Variants in PRR29 observed in about 807,000 individuals in gnomAD.
PRR29 encodes proline-rich protein 29.
In PRR29, 20 loss-of-function variants were observed where a neutral mutation model predicts 25.1. The observed-to-expected ratio is 0.80, with a 90% CI of 0.56 to 1.16. PRR29 has a LOEUF of 1.16. Ranked by LOEUF, PRR29 falls within the 50% of genes most tolerant of loss-of-function variation. The probability of loss-of-function intolerance (pLI) is 0.00; values close to 1 mark genes in which losing one functional copy is unlikely to be tolerated. For missense variants in PRR29, 238 were observed against 246.6 expected, an observed-to-expected ratio of 0.97 and a Z score of 0.23; for synonymous variants, 108 against 102.6, an observed-to-expected ratio of 1.05 and a Z score of -0.32.
At position 64,002,214 on chromosome 17, in the gene PRR29, A is replaced by G. The variant is rs1347194080; in HGVS notation, c.*453A>G. On this transcript the variant is annotated 3_prime_UTR_variant, in exon 6 of 6. Coordinates refer to ENST00000412177, the MANE Select transcript of PRR29 (RefSeq NM_001164257.2). ...CTTTGAGGTGGCTGGAGGGGCCCAG[A>G]GTGGTCGGGGAGAGACTTTGCTGGG... The G allele has an allele frequency of 1.6e-6, 1 of 606,814 alleles. No individual in the cohort carries two copies. The highest frequency in any genetic ancestry group is 3.0e-5 in the Admixed American group (1 of 33,198). 37.6% of individuals were successfully genotyped at this position (606,814 alleles called of 1,614,324 possible).
At chr17:63,999,150 G>T in intron 3 of PRR29, 76 bp downstream of exon 3, 1 of 1,146,542 alleles carries the variant, frequency 8.7e-7, no homozygotes, top group Non-Finnish European at 1.3e-6. Flanking sequence ...TCCTGTTCAG[G>T]GGGGAAAAGA....
rs773489521 is a variant in PRR29 at position 64,003,694 on chromosome 17, C to T, written c.*1933C>T. ...TGAGTGTTTGTGAAAGATGTTGCCA[C>T]CGCGAGACATCAAGTCCAGCACAGC... is the stretch of plus-strand genomic sequence containing the variant. On this transcript the variant is annotated 3_prime_UTR_variant, in exon 6 of 6. Transcript: ENST00000412177. 3 of 1,614,070 alleles carry T rather than the reference C, an allele frequency of 1.9e-6. No homozygotes were observed. Among genetic ancestry groups the T allele is most frequent in the African/African-American group, 1.3e-5 (1 of 74,952 alleles).
Position 64,003,866 on chromosome 17 carries a change from C to A in PRR29, c.*2105C>A. 1 of 1,614,188 alleles carries A rather than the reference C, an allele frequency of 6.2e-7. No individual in the cohort carries two copies. The highest frequency in any genetic ancestry group is 8.5e-7 in the Non-Finnish European group (1 of 1,180,034). On this transcript the variant is annotated 3_prime_UTR_variant, in exon 6 of 6. Transcript: ENST00000412177. ...CGGAACAGGAAGAGGGTGAGGCTGT[C>A]CAGGGGCTCCACGGTGGGCACCCTG...
intron 4 of PRR29, 62 bp downstream of exon 4, chr17:64,001,372 C>CA: frequency 6.7e-7 from 1 of 1,501,136 alleles, no homozygotes; most frequent in Non-Finnish European, 8.9e-7. Context: ...AAGAGCTGTG[C>CA]AGGGGCTGGT....
Position 64,002,639 on chromosome 17 carries a change from A to C in PRR29, c.*878A>C, listed in dbSNP as rs1265511733. On this transcript the variant is annotated 3_prime_UTR_variant, in exon 6 of 6. Coordinates refer to ENST00000412177, the MANE Select transcript of PRR29 (RefSeq NM_001164257.2). ...TCGGGCTAGAAAAGGCAATGTCCCA[A>C]GTCTCTGCTGCCTGTCACAGTCCTT... 9.0e-6 allele frequency: 9 copies of C among 997,168 alleles called. No individual in the cohort carries two copies. The highest frequency in any genetic ancestry group is 1.6e-5 in the African/African-American group (1 of 62,050). The allele number at this position is 997,168 out of a possible 1,614,324, so 61.8% of individuals were successfully genotyped here.
Position 64,003,008 on chromosome 17 carries a change from A to ACCCAGACC in PRR29, c.*1258_*1265dup, listed in dbSNP as rs1555608782. 4.4e-6 allele frequency: 6 copies of ACCCAGACC among 1,348,496 alleles called. No homozygotes were observed. Among genetic ancestry groups the ACCCAGACC allele is most frequent in the Non-Finnish European group, 4.1e-6 (4 of 977,068 alleles). The allele number at this position is 1,348,496 out of a possible 1,614,324, so 83.5% of individuals were successfully genotyped here. A position where few individuals can be genotyped will look rare whatever the true frequency, so the allele number is the denominator to read the frequency against. ...AAAAGGGAGTGGAAGTCCACCCCCA[A>ACCCAGACC]CCCAGACCCCCAGACCCCGCCGCCC... On this transcript the variant is annotated 3_prime_UTR_variant, in exon 6 of 6. Coordinates refer to ENST00000412177, the MANE Select transcript of PRR29 (RefSeq NM_001164257.2).
chr17:63,999,254 G>C, intron 3 of PRR29, 180 bp downstream of exon 3: 1 of 609,428 alleles, frequency 1.6e-6, no homozygotes, highest in Non-Finnish European at 2.9e-6. Context: ...GGTTGGGGCG[G>C]GGAAGAGACC....
chr17:64,001,487 C>A lies in PRR29; in HGVS notation c.491C>A (p.Pro164Gln). The A allele has an allele frequency of 6.7e-7, 1 of 1,482,324 alleles. No homozygotes were observed. The highest frequency in any genetic ancestry group is 1.4e-5 in the African/African-American group (1 of 70,958). 91.8% of individuals were successfully genotyped at this position (1,482,324 alleles called of 1,614,324 possible). Reference sequence around the variant, plus strand: ...CTCAGGAGAGCTGTGCCCCCACCCCCACCCCCCAGTGCCACAGGGACTGTG... The same window carrying A: ...CTCAGGAGAGCTGTGCCCCCACCCCAACCCCCCAGTGCCACAGGGACTGTG... ...EREVRAVPPP[P>Q]PPSATGTVGA... The change falls in exon 5 of 6, where the codon CCA (proline) becomes CAA (glutamine). Residue 164 changes from proline to glutamine, a missense_variant. Physicochemically the swap from Pro to Gln is moderately conservative, Grantham distance 76. Transcript: ENST00000412177.
chr17:63,998,777 A>C lies in PRR29; in HGVS notation c.131A>C (p.Lys44Thr), dbSNP rs946805706. The C allele has an allele frequency of 2.5e-5, 38 of 1,524,110 alleles. No homozygotes were observed. The African/African-American group carries it at 3.6e-4, about 14-fold the overall frequency. 94.4% of individuals were successfully genotyped at this position (1,524,110 alleles called of 1,614,324 possible). A position where few individuals can be genotyped will look rare whatever the true frequency, so the allele number is the denominator to read the frequency against. The change falls in exon 2 of 6, where the codon AAG becomes ACG. Residue 44 changes from lysine (K) to threonine (T), a missense_variant. Transcript: ENST00000412177. Reference protein sequence around the residue: ...PPAPPQPGRVKEDLLELMMLQ... With the variant: ...PPAPPQPGRVTEDLLELMMLQ... ...GCGCCCCCGCAGCCAGGCCGCGTGA[A>C]GGAAGGTGAGACTCCCGGGTCCCCC...
chr17:63,998,554 G>A, intron 1 of PRR29, 130 bp downstream of exon 1: 2 of 1,205,030 alleles, frequency 1.7e-6, no homozygotes, highest in Non-Finnish European at 2.3e-6. Context: ...GAGAGGAAGA[G>A]GCGTGGCAGG....
chr17:64,003,085 T>C lies in PRR29; in HGVS notation c.*1324T>C, dbSNP rs1910913727. The stretch of plus-strand genomic sequence containing the variant: ...TTGCAGAGATGAGTGGTGAATGGTG[T>C]CTGCATTAAAATTATTATCTGGAAA... On this transcript the variant is annotated 3_prime_UTR_variant, in exon 6 of 6. Coordinates refer to ENST00000412177, the MANE Select transcript of PRR29 (RefSeq NM_001164257.2). 13 of 607,692 alleles carry C rather than the reference T, an allele frequency of 2.1e-5. No homozygotes were observed. In the East Asian group the frequency reaches 3.6e-4, roughly 17 times the overall value. 37.6% of individuals were successfully genotyped at this position (607,692 alleles called of 1,614,324 possible).
Position 64,002,791 on chromosome 17 carries a change from C to T in PRR29, c.*1030C>T. On this transcript the variant is annotated 3_prime_UTR_variant, in exon 6 of 6. Coordinates refer to ENST00000412177, the MANE Select transcript of PRR29 (RefSeq NM_001164257.2). ...GGCAGCCTCCTCCAAGCCGCTCGCA[C>T]CCCGTAGGTGCCCATCCGCTGCTGG... 2.5e-6 allele frequency: 4 copies of T among 1,613,546 alleles called. No homozygotes were observed. The highest frequency in any genetic ancestry group is 1.1e-5 in the South Asian group (1 of 91,060).
At position 63,998,797 on chromosome 17, in the gene PRR29, TCCCC is replaced by T; in HGVS notation, c.136+18_136+21del. The T allele has an allele frequency of 9.4e-7, 1 of 1,062,606 alleles. No homozygotes were observed. The highest frequency in any genetic ancestry group is 1.3e-6 in the Non-Finnish European group (1 of 761,704). The allele number at this position is 1,062,606 out of a possible 1,614,324, so 65.8% of individuals were successfully genotyped here. A position where few individuals can be genotyped will look rare whatever the true frequency, so the allele number is the denominator to read the frequency against. On this transcript the variant is annotated intron_variant, in intron 2 of 5. Coordinates refer to ENST00000412177, the MANE Select transcript of PRR29 (RefSeq NM_001164257.2). ...CGTGAAGGAAGGTGAGACTCCCGGG[TCCCC>T]CCACCCCACCCCCACCATCACCACC...
At chr17:63,998,636 G>A in intron 1 of PRR29, 71 bp from the exon 2 acceptor site, 1 of 1,061,656 alleles carries the variant, frequency 9.4e-7, no homozygotes, top group Non-Finnish European at 1.4e-6. Flanking sequence ...CTGGCCGGGG[G>A]GGTTGGGGCT....
intron 3 of PRR29, among the ~76,000 whole-genome samples, chr17:64,000,251 A>G (rs1351389895): frequency 6.6e-6 from 1 of 152,260 alleles, no homozygotes; most frequent in Non-Finnish European, 1.5e-5. Flanking sequence ...CTTGAGCTAC[A>G]GGAGTAAATG....
chr17:64,003,873 C>T lies in PRR29; in HGVS notation c.*2112C>T. 2 of 1,614,212 alleles carry T rather than the reference C, an allele frequency of 1.2e-6. No homozygotes were observed. Among genetic ancestry groups the T allele is most frequent in the Non-Finnish European group, 1.7e-6 (2 of 1,180,022 alleles). On this transcript the variant is annotated 3_prime_UTR_variant, in exon 6 of 6. Coordinates refer to ENST00000412177, the MANE Select transcript of PRR29 (RefSeq NM_001164257.2). ...GGAAGAGGGTGAGGCTGTCCAGGGG[C>T]TCCACGGTGGGCACCCTGCACTCAA...
chr17:64,001,413 C>T, intron 4 of PRR29, 54 bp from the exon 5 acceptor site: 1 of 1,488,724 alleles, frequency 6.7e-7, no homozygotes, highest in Non-Finnish European at 9.0e-7. Flanking sequence ...GGGTGAAACT[C>T]CAGAGGCCAC....
At position 64,000,715 on chromosome 17, in the gene PRR29, C is replaced by T. The variant is rs374093393; in HGVS notation, c.244-369C>T. On this transcript the variant is annotated intron_variant, in intron 3 of 5. Transcript: ENST00000412177. ...CCGCCCAGGCTGGAGTGCAGTAGCTCGATCTCTGCTCACTGCAAGCTCCGC... is the reference window on the plus strand; with the variant it reads ...CCGCCCAGGCTGGAGTGCAGTAGCTTGATCTCTGCTCACTGCAAGCTCCGC... 2.4e-3 allele frequency: 518 copies of T among 215,490 alleles called. 3 individuals carry two copies. Among genetic ancestry groups the T allele is most frequent in the African/African-American group, 0.011 (492 of 44,000 alleles). 13.3% of individuals were successfully genotyped at this position (215,490 alleles called of 1,614,324 possible). A position where few individuals can be genotyped will look rare whatever the true frequency, so the allele number is the denominator to read the frequency against.
At position 64,003,751 on chromosome 17, in the gene PRR29, C is replaced by T. The variant is rs76214609; in HGVS notation, c.*1990C>T. 61 of 1,614,264 alleles carry T rather than the reference C, an allele frequency of 3.8e-5. No individual in the cohort carries two copies. In the East Asian group the frequency reaches 5.6e-4, roughly 15 times the overall value. ...GGAGAAGTTGCGGTGGCCATCCTCT[C>T]TGTCAGCCGTGCTGTTGAATGTGGC... On this transcript the variant is annotated 3_prime_UTR_variant, in exon 6 of 6. Transcript: ENST00000412177.
Sources: allele counts gnomAD v4.1 joint callset (sites outside exome capture counted in the v4.1 genomes callset), GRCh38; gene constraint gnomAD v4.1.1; transcripts MANE v1.5; gene names NCBI Gene and HGNC (gene_info 2026-07-23, HGNC 2026-07-21).